Variants in CAMK1D observed in about 807,000 individuals in gnomAD.
CAMK1D encodes calcium/calmodulin dependent protein kinase ID.
A neutral mutation model predicts 47.7 loss-of-function variants in CAMK1D; 9 were observed. That is an observed-to-expected ratio of 0.19 (90% CI 0.11 to 0.33). CAMK1D has a LOEUF of 0.33. Among genes scored for constraint, CAMK1D ranks in the 10% least tolerant of loss-of-function variants. CAMK1D has a pLI of 1.00. For missense variants in CAMK1D, 291 were observed against 488.7 expected (o/e 0.60, Z 3.81); for synonymous variants, 184 against 184.9 (o/e 0.99, Z 0.04).
intron 2 of CAMK1D, among the ~76,000 whole-genome samples, chr10:12,578,259 T>G (rs1000012658): frequency 3.9e-5 from 6 of 152,002 alleles, no homozygotes; most frequent in Admixed American, 6.6e-5. Context: ...AAAAATGTTT[T>G]GTAGGGCTGG....
At chr10:12,769,616 A>T (rs552144511) in intron 4 of CAMK1D, 57 bp from the exon 5 acceptor site, 1 of 1,592,580 alleles carries the variant, frequency 6.3e-7, no homozygotes, top group African/African-American at 1.3e-5. Context: ...TGAGTCTTCC[A>T]CAATTAACCC....
chr10:12,751,116 GATAA>G (rs1212466300), intron 3 of CAMK1D, among the ~76,000 whole-genome samples: 6 of 89,698 alleles, frequency 6.7e-5, no homozygotes, highest in African/African-American at 2.9e-4. Flanking sequence ...GATAAGATAA[GATAA>G]GATAAGAAGG....
chr10:12,503,771 C>T (rs2815661), intron 1 of CAMK1D, among the ~76,000 whole-genome samples: 9 of 152,204 alleles, frequency 5.9e-5, no homozygotes, highest in African/African-American at 2.2e-4. Flanking sequence ...TCCATGGGCT[C>T]CTGCAGGATA....
chr10:12,428,345 G>A (rs1840322084), intron 1 of CAMK1D, among the ~76,000 whole-genome samples: 2 of 152,060 alleles, frequency 1.3e-5, no homozygotes, highest in Non-Finnish European at 1.5e-5. Flanking sequence ...AATTAGGTGG[G>A]GAGCTTTTAG....
chr10:12,436,791 G>C (rs980904428), intron 1 of CAMK1D, among the ~76,000 whole-genome samples: 6 of 152,204 alleles, frequency 3.9e-5, no homozygotes, highest in African/African-American at 1.4e-4. Flanking sequence ...GAGCTTAGGT[G>C]ATCAGTCACA....
At chr10:12,801,354 T>TTATCTAACTATCTATCTATC (rs1838457585) in intron 6 of CAMK1D, among the ~76,000 whole-genome samples, 1 of 66,490 alleles carries the variant, frequency 1.5e-5, no homozygotes, top group South Asian at 5.4e-4. Flanking sequence ...TCTATCTATC[T>TTATCTAACTATCTATCTATC]TATCTATCTA....
intron 1 of CAMK1D, among the ~76,000 whole-genome samples, chr10:12,455,748 T>C (rs1108131): frequency 0.28 from 42,715 of 152,150 alleles, 6,329 homozygotes; most frequent in Middle Eastern, 0.37. Flanking sequence ...GAGTATGAGT[T>C]ATTGATTAGG....
At position 12,832,550 on chromosome 10, in the gene CAMK1D, T is replaced by C. The variant is rs955165647; in HGVS notation, c.*3663T>C. On this transcript the variant is annotated 3_prime_UTR_variant, in exon 11 of 11. Transcript: ENST00000619168. ...CCAGTTCCTCCTACCCCTGCCTCTG[T>C]CGGAGACTAGAAAACATTCTACCCC... 1 of 152,342 alleles carries C rather than the reference T, an allele frequency of 6.6e-6. No individual in the cohort carries two copies. Among genetic ancestry groups the C allele is most frequent in the African/African-American group, 2.4e-5 (1 of 41,552 alleles). 9.4% of individuals were successfully genotyped at this position (152,342 alleles called of 1,614,324 possible). A position where few individuals can be genotyped will look rare whatever the true frequency, so the allele number is the denominator to read the frequency against.
chr10:12,653,771 C>T (rs1840045104), intron 2 of CAMK1D, among the ~76,000 whole-genome samples: 1 of 152,172 alleles, frequency 6.6e-6, no homozygotes, highest in Non-Finnish European at 1.5e-5. Context: ...ATTGGCTTCC[C>T]ACTTTCTAAA....
chr10:12,639,078 T>C (rs539883673), intron 2 of CAMK1D, among the ~76,000 whole-genome samples: 7 of 152,382 alleles, frequency 4.6e-5, no homozygotes, highest in African/African-American at 1.7e-4. Flanking sequence ...CAGTATCCAT[T>C]TGAATGTGTA....
At chr10:12,549,956 C>G (rs139622212) in intron 1 of CAMK1D, among the ~76,000 whole-genome samples, 2,065 of 152,334 alleles carry the variant, frequency 0.014, 20 homozygotes, top group Non-Finnish European at 0.021. Flanking sequence ...ATGCTTTTCT[C>G]TTACAGGCTT....
chr10:12,367,874 G>A (rs1322097028), intron 1 of CAMK1D, among the ~76,000 whole-genome samples: 1 of 152,088 alleles, frequency 6.6e-6, no homozygotes, highest in African/African-American at 2.4e-5. Context: ...CCATGGCCTG[G>A]GGGCTGTGGA....
In CAMK1D at chr10:12,371,365, A is replaced by G. The variant is rs1201551475; in HGVS notation, c.92+21455A>G. 2.0e-5 allele frequency among the ~76,000 whole-genome samples: 3 copies of G among 151,968 alleles called. 1 individual carries two copies. In the East Asian group the frequency reaches 5.8e-4, roughly 30 times the overall value. On this transcript the variant is annotated intron_variant, in intron 1 of 10. Transcript: ENST00000619168. The stretch of plus-strand genomic sequence containing the variant: ...GCCAAGGTGGGTAGATCACAAGGTC[A>G]GGAGATCGAGACCATCCTGGCTAAC...
At chr10:12,529,344 T>G (rs1032162846) in intron 1 of CAMK1D, among the ~76,000 whole-genome samples, 1 of 152,226 alleles carries the variant, frequency 6.6e-6, no homozygotes, top group Non-Finnish European at 1.5e-5. Flanking sequence ...TCATGGATTC[T>G]TCTTTACTGA....
rs1201573872 is a variant in CAMK1D, at chr10:12,734,322, CAAAAAA to C, written c.300-26607_300-26602del. 7.0e-3 allele frequency among the ~76,000 whole-genome samples: 166 copies of C among 23,582 alleles called. 4 individuals are homozygous for C. Among genetic ancestry groups the C allele is most frequent in the African/African-American group, 0.042 (157 of 3,752 alleles). The allele number at this position is 23,582 out of a possible 152,430, so 15.5% of individuals were successfully genotyped here. ...TGGGCAACACAGCGAGACTCCATCT[CAAAAAA>C]AAAAAAAAAAAAAAAAAATATATAT... is the stretch of plus-strand genomic sequence containing the variant. On this transcript the variant is annotated intron_variant, in intron 3 of 10. Coordinates refer to ENST00000619168, the MANE Select transcript of CAMK1D (RefSeq NM_153498.4).
At chr10:12,583,262 G>A (rs532450204) in intron 2 of CAMK1D, among the ~76,000 whole-genome samples, 46 of 152,236 alleles carry the variant, frequency 3.0e-4, no homozygotes, top group African/African-American at 1.1e-3. Context: ...GATTTCCCAA[G>A]CTCTTCTGCT....
chr10:12,528,751 T>TTTC (rs1340856316), intron 1 of CAMK1D, among the ~76,000 whole-genome samples: 2 of 151,462 alleles, frequency 1.3e-5, no homozygotes, highest in Non-Finnish European at 2.9e-5. Context: ...TTTTTTTTTT[T>TTTC]TCTTTTTGGA....
intron 3 of CAMK1D, among the ~76,000 whole-genome samples, chr10:12,739,669 T>G (rs1835344346): frequency 6.6e-6 from 1 of 152,090 alleles, no homozygotes; most frequent in Non-Finnish European, 1.5e-5. Context: ...CTGGGTGCCC[T>G]TTGGTGGTGG....
chr10:12,484,484 G>A (rs1834154190), intron 1 of CAMK1D, among the ~76,000 whole-genome samples: 1 of 152,150 alleles, frequency 6.6e-6, no homozygotes, highest in Non-Finnish European at 1.5e-5. Context: ...GAGATGGAGA[G>A]CTGTCATTAT....
Sources: gnomAD v4.1 joint callset for allele counts (sites outside exome capture counted in the v4.1 genomes callset) on GRCh38, gnomAD v4.1.1 for gene constraint, MANE v1.5 for transcripts, NCBI Gene and HGNC (gene_info 2026-07-23, HGNC 2026-07-21) for gene names.